The following VPS37A variants were observed in gnomAD, a reference collection of about 807,000 sequenced individuals.
VPS37A encodes vacuolar protein sorting-associated protein 37A.
VPS37A carries 30 observed loss-of-function variants against 49.8 expected under a neutral mutation model. The observed-to-expected ratio is 0.60, with a 90% CI of 0.45 to 0.82. VPS37A has a LOEUF of 0.82. Among genes scored for constraint, VPS37A ranks in the 40% least tolerant of loss-of-function variants. The probability of loss-of-function intolerance (pLI) is 0.00; values close to 1 mark genes in which losing one functional copy is unlikely to be tolerated. For missense variants in VPS37A, 593 were observed against 464.4 expected, an observed-to-expected ratio of 1.28 and a Z score of -2.55; for synonymous variants, 195 against 160.6, an observed-to-expected ratio of 1.21 and a Z score of -1.62.
Position 17,274,938 on chromosome 8 carries a change from A to T in VPS37A, c.622A>T (p.Thr208Ser), listed in dbSNP as rs1042395146. 3 of 1,613,954 alleles carry T rather than the reference A, an allele frequency of 1.9e-6. No individual in the cohort carries two copies. The highest frequency in any genetic ancestry group is 3.3e-5 in the Admixed American group (2 of 60,004). ...VLSNLPLPIP[T>S]VDASIPTSQN... ...TTCAAATCTGCCATTACCCATTCCC[A>T]CAGTGGATGCTTCAATACCGGTTGG... The change falls in exon 5 of 12, where the codon ACA (threonine) becomes TCA (serine). Residue 208 changes from threonine (T) to serine (S), a missense_variant. By Grantham distance (58) the Thr-to-Ser change is moderately conservative. Transcript: ENST00000324849.
chr8:17,256,864 C>A (rs541507451), intron 1 of VPS37A, among the ~76,000 whole-genome samples: 1 of 152,206 alleles, frequency 6.6e-6, no homozygotes, highest in East Asian at 1.9e-4. Flanking sequence ...GTTGGTCAGG[C>A]TGGTCTCAAA....
chr8:17,263,503 T>C (rs1813154248), intron 1 of VPS37A, among the ~76,000 whole-genome samples: 1 of 141,684 alleles, frequency 7.1e-6, no homozygotes, highest in Non-Finnish European at 1.5e-5. Context: ...TTATTTGTGA[T>C]ACTTAGTTTG....
At chr8:17,321,252 A>G in the VPS37A span, among the ~76,000 whole-genome samples, 3 of 152,338 alleles carry the variant, frequency 2.0e-5, no homozygotes, top group East Asian at 5.8e-4. Context: ...AAAGCAAGAG[A>G]GGAATGGATG....
chr8:17,268,774 T>TA, intron 3 of VPS37A, 82 bp from the exon 4 acceptor site: 1 of 923,888 alleles, frequency 1.1e-6, no homozygotes, highest in South Asian at 1.5e-5. Context: ...AGTAAGTTAA[T>TA]ATTTAGAGTG....
At chr8:17,249,388 T>A (rs1370874148) in intron 1 of VPS37A, among the ~76,000 whole-genome samples, 1 of 152,258 alleles carries the variant, frequency 6.6e-6, no homozygotes, top group Non-Finnish European at 1.5e-5. Flanking sequence ...ATTATGAACG[T>A]ATGATTGGAC....
chr8:17,291,408 A>C (rs185967433), intron 11 of VPS37A, among the ~76,000 whole-genome samples: 25 of 148,410 alleles, frequency 1.7e-4, no homozygotes, highest in African/African-American at 5.7e-4. Flanking sequence ...TAATCTTTTC[A>C]AAACAGCTGC....
At chr8:17,281,098 T>C (rs888973344) in intron 9 of VPS37A, among the ~76,000 whole-genome samples, 1 of 151,930 alleles carries the variant, frequency 6.6e-6, no homozygotes, top group Non-Finnish European at 1.5e-5. Context: ...AAGGAGAATA[T>C]AAATTTATAA....
chr8:17,330,417 C>A, the VPS37A span, among the ~76,000 whole-genome samples: 1 of 152,172 alleles, frequency 6.6e-6, no homozygotes, highest in African/African-American at 2.4e-5. Flanking sequence ...GTTCGCAGAG[C>A]CGGAAGTGGT....
the VPS37A span, among the ~76,000 whole-genome samples, chr8:17,321,194 A>G: frequency 6.6e-6 from 1 of 152,220 alleles, no homozygotes; most frequent in African/African-American, 2.4e-5. Context: ...GCAAGTTTAA[A>G]AATAAAGACA....
intron 2 of VPS37A, 56 bp downstream of exon 2, chr8:17,266,037 T>G: frequency 6.9e-7 from 1 of 1,457,236 alleles, no homozygotes; most frequent in Non-Finnish European, 9.4e-7. Context: ...GTTTTTTTAT[T>G]GTTTCTTAGT....
chr8:17,316,724 G>A, the VPS37A span, among the ~76,000 whole-genome samples: 8,121 of 152,288 alleles, frequency 0.053, 701 homozygotes, highest in African/African-American at 0.18. Context: ...TATTTACACA[G>A]CACCTACATT....
intron 11 of VPS37A, 91 bp downstream of exon 11, chr8:17,286,518 A>C (rs1815605155): frequency 2.8e-6 from 3 of 1,086,952 alleles, no homozygotes; most frequent in Non-Finnish European, 1.4e-6. Context: ...CATCAGCCTT[A>C]AGCATAATTC....
intron 11 of VPS37A, among the ~76,000 whole-genome samples, chr8:17,289,038 T>C (rs1045227226): frequency 6.6e-5 from 10 of 152,212 alleles, no homozygotes; most frequent in African/African-American, 9.7e-5. Flanking sequence ...TTCATATCCT[T>C]AGCCCACTTT....
chr8:17,279,260 C>G (rs919961037), intron 6 of VPS37A, among the ~76,000 whole-genome samples: 2 of 152,046 alleles, frequency 1.3e-5, no homozygotes, highest in Non-Finnish European at 2.9e-5. Context: ...ATTTTACTGG[C>G]TACATTTTGG....
chr8:17,281,191 A>C (rs1005329375), intron 9 of VPS37A, among the ~76,000 whole-genome samples: 4 of 152,052 alleles, frequency 2.6e-5, no homozygotes, highest in African/African-American at 7.2e-5. Context: ...GCACCGCATG[A>C]AGCTATTTAC....
intron 9 of VPS37A, among the ~76,000 whole-genome samples, chr8:17,283,931 A>G (rs893014117): frequency 1.2e-4 from 18 of 152,174 alleles, no homozygotes; most frequent in African/African-American, 4.3e-4. Context: ...ATGTCTTCTT[A>G]AGAATATTAA....
At position 17,296,546 on chromosome 8, in the gene VPS37A, C is replaced by CAAT. The variant is rs535605631; in HGVS notation, c.*1560_*1561insAAT. ...TAGAACAGTCTCAATCTTTTGCCAA[C>CAAT]CATCAGGTTCCTAGAAACCAGGTAG... On this transcript the variant is annotated 3_prime_UTR_variant, in exon 12 of 12. Transcript: ENST00000324849. 8.0e-4 allele frequency: 122 copies of CAAT among 152,222 alleles called. No homozygotes were observed. The highest frequency in any genetic ancestry group is 2.7e-3 in the African/African-American group (114 of 41,530). The allele number at this position is 152,222 out of a possible 1,614,324, so 9.4% of individuals were successfully genotyped here.
intron 1 of VPS37A, chr8:17,247,966 G>T: frequency 5.2e-6 from 3 of 579,576 alleles, no homozygotes; most frequent in Non-Finnish European, 9.2e-6. Flanking sequence ...TTCTTTCATA[G>T]TCTTGTCCCC....
intron 1 of VPS37A, among the ~76,000 whole-genome samples, chr8:17,261,167 T>G (rs1487736097): frequency 6.6e-6 from 1 of 152,204 alleles, no homozygotes; most frequent in Non-Finnish European, 1.5e-5. Flanking sequence ...CTTTTCAGTC[T>G]TTTTTCTTCT....
Sources: gnomAD v4.1 joint callset for allele counts (sites outside exome capture counted in the v4.1 genomes callset) on GRCh38, gnomAD v4.1.1 for gene constraint, MANE v1.5 for transcripts, NCBI Gene and HGNC (gene_info 2026-07-23, HGNC 2026-07-21) for gene names.